Variants in SNTG2 observed in about 807,000 individuals in gnomAD.
The protein encoded by SNTG2 is syntrophin gamma 2.
A neutral mutation model predicts 70.9 loss-of-function variants in SNTG2; 74 were observed. The ratio of observed to expected loss-of-function variants is 1.04; its 90% CI spans 0.86 to 1.27. The LOEUF (loss-of-function observed/expected upper bound fraction) is 1.27, where lower values mean the gene tolerates loss of function less well. SNTG2 is among the 50% of genes most tolerant of loss of function. The pLI, the probability that SNTG2 is intolerant of heterozygous loss-of-function variation, is 0.00. For synonymous variants in SNTG2, 278 were observed against 273.8 expected (o/e 1.02, Z -0.15); for missense variants, 717 against 690.7 (o/e 1.04, Z -0.43).
At chr2:1,079,156 GCGTC>G (rs1664117616) in intron 1 of SNTG2, among the ~76,000 whole-genome samples, 1 of 152,184 alleles carries the variant, frequency 6.6e-6, no homozygotes, top group Non-Finnish European at 1.5e-5. Flanking sequence ...AGCGGAACCC[GCGTC>G]CCCTCTCCTT....
intron 9 of SNTG2, among the ~76,000 whole-genome samples, chr2:1,231,825 C>A (rs1370896020): frequency 6.6e-6 from 1 of 152,122 alleles, no homozygotes; most frequent in Non-Finnish European, 1.5e-5. Context: ...ACTCACAAAG[C>A]AAACACTCAC....
At position 1,259,532 on chromosome 2, in the gene SNTG2, A is replaced by G. The variant is rs765006515; in HGVS notation, c.1077+91A>G. 3.4e-4 allele frequency: 355 copies of G among 1,034,672 alleles called. 1 individual carries two copies. Among genetic ancestry groups the G allele is most frequent in the Non-Finnish European group, 4.4e-4 (294 of 673,012 alleles). The allele number at this position is 1,034,672 out of a possible 1,614,324, so 64.1% of individuals were successfully genotyped here. The stretch of plus-strand genomic sequence containing the variant: ...GAGGATTGTTTGTTCTGCGTGGTCC[A>G]TTGAAATAGTAAAATTTGAAATAGT... On this transcript the variant is annotated intron_variant, in intron 13 of 16. Transcript: ENST00000308624.
chr2:1,125,556 A>G (rs572942627), intron 4 of SNTG2, among the ~76,000 whole-genome samples: 70 of 152,338 alleles, frequency 4.6e-4, no homozygotes, highest in African/African-American at 1.6e-3. Context: ...CCATACCTCC[A>G]AAACAGAATT....
In SNTG2 at chr2:1,047,102, T is replaced by C. The variant is rs4350783; in HGVS notation, c.73-36416T>C. 1.0e-3 allele frequency among the ~76,000 whole-genome samples: 159 copies of C among 152,334 alleles called. 1 individual carries two copies. Among genetic ancestry groups the C allele is most frequent in the South Asian group, 3.1e-3 (15 of 4,824 alleles). The stretch of plus-strand genomic sequence containing the variant: ...TGTGTTAATTCAAAGAACTGGTCTT[T>C]GAGCTCTGAGATTTGTTCCTCAGCT... On this transcript the variant is annotated intron_variant, in intron 1 of 16. Coordinates refer to ENST00000308624, the MANE Select transcript of SNTG2 (RefSeq NM_018968.4).
chr2:1,079,350 C>T (rs1664132780), intron 1 of SNTG2, among the ~76,000 whole-genome samples: 1 of 152,224 alleles, frequency 6.6e-6, no homozygotes, highest in South Asian at 2.1e-4. Flanking sequence ...CTCTGGAAAA[C>T]TAAGGCCAAT....
chr2:1,001,117 A>G lies in SNTG2; in HGVS notation c.72+50049A>G, dbSNP rs115628075. Among the ~76,000 whole-genome samples, 1,249 of 152,100 alleles carry G rather than the reference A, an allele frequency of 8.2e-3. 28 individuals are homozygous for G. Among genetic ancestry groups the G allele is most frequent in the African/African-American group, 0.028 (1,170 of 41,554 alleles). On this transcript the variant is annotated intron_variant, in intron 1 of 16. Transcript: ENST00000308624. ...CAAGCTAGGTATTGAAGGAACATAC[A>G]TAAAAATAATAAGAGCCATGTATGA...
chr2:1,299,715 G>C (rs147965130), intron 14 of SNTG2, among the ~76,000 whole-genome samples: 1 of 152,330 alleles, frequency 6.6e-6, no homozygotes, highest in Non-Finnish European at 1.5e-5. Context: ...CTGAGCTGTG[G>C]TGCCGGAAGC....
chr2:975,700 G>A lies in SNTG2; in HGVS notation c.72+24632G>A, dbSNP rs906870901. Among the ~76,000 whole-genome samples, 3 of 152,152 alleles carry A rather than the reference G, an allele frequency of 2.0e-5. 1 individual carries two copies. The highest frequency in any genetic ancestry group is 2.0e-4 in the Admixed American group (3 of 15,284). On this transcript the variant is annotated intron_variant, in intron 1 of 16. Transcript: ENST00000308624. Reference sequence around the variant, plus strand: ...AAAAATCTAAGCATAATTGAAGACTGGAATTAATTGTGTGTTCATCCTGAA... The same window carrying A: ...AAAAATCTAAGCATAATTGAAGACTAGAATTAATTGTGTGTTCATCCTGAA...
chr2:1,182,516 A>G (rs1671982871), intron 8 of SNTG2, among the ~76,000 whole-genome samples: 1 of 152,180 alleles, frequency 6.6e-6, no homozygotes. Context: ...CACAAAAGAA[A>G]AGGCAGCTAT....
chr2:1,280,708 C>T (rs183904967), intron 14 of SNTG2, among the ~76,000 whole-genome samples: 171 of 152,300 alleles, frequency 1.1e-3, no homozygotes, highest in Non-Finnish European at 1.7e-3. Context: ...AAGCAAATTA[C>T]GAATTACAAT....
At chr2:1,207,056 T>C (rs1395943978) in intron 8 of SNTG2, among the ~76,000 whole-genome samples, 1 of 152,218 alleles carries the variant, frequency 6.6e-6, no homozygotes, top group Non-Finnish European at 1.5e-5. Context: ...ACAGTTAAAA[T>C]TAAATGTATA....
intron 1 of SNTG2, among the ~76,000 whole-genome samples, chr2:984,056 C>T (rs1379875581): frequency 1.3e-5 from 2 of 152,156 alleles, no homozygotes; most frequent in Non-Finnish European, 2.9e-5. Context: ...GGCGGTGGCA[C>T]CAAGCTGCCC....
At chr2:1,283,674 G>A (rs1341029415) in intron 14 of SNTG2, among the ~76,000 whole-genome samples, 1 of 152,122 alleles carries the variant, frequency 6.6e-6, no homozygotes, top group African/African-American at 2.4e-5. Flanking sequence ...TGGCTTCTCT[G>A]TGTCTTCCAC....
intron 14 of SNTG2, among the ~76,000 whole-genome samples, chr2:1,291,213 C>T (rs1241118476): frequency 6.6e-6 from 1 of 152,118 alleles, no homozygotes; most frequent in Non-Finnish European, 1.5e-5. Flanking sequence ...TGCTTGTTTT[C>T]TTCTGGTTCA....
At chr2:1,156,569 T>A (rs928768957) in intron 6 of SNTG2, among the ~76,000 whole-genome samples, 1 of 152,056 alleles carries the variant, frequency 6.6e-6, no homozygotes, top group Non-Finnish European at 1.5e-5. Flanking sequence ...GCACTTAACG[T>A]TTTTCTCCAG....
At chr2:1,085,137 A>G (rs1385953913) in intron 2 of SNTG2, among the ~76,000 whole-genome samples, 1 of 152,104 alleles carries the variant, frequency 6.6e-6, no homozygotes, top group Non-Finnish European at 1.5e-5. Flanking sequence ...ATCACTAACC[A>G]TTATTTTTTT....
At chr2:1,116,659 T>C (rs1345517304) in intron 4 of SNTG2, among the ~76,000 whole-genome samples, 6 of 132,666 alleles carry the variant, frequency 4.5e-5, no homozygotes, top group African/African-American at 5.8e-5. Context: ...AGTGCCCTGG[T>C]GTGTGGGTGC....
intron 4 of SNTG2, among the ~76,000 whole-genome samples, chr2:1,133,821 TCACTGAAC>T (rs1360356777): frequency 6.6e-6 from 1 of 152,212 alleles, no homozygotes; most frequent in African/African-American, 2.4e-5. Flanking sequence ...CTCCTCCCTT[TCACTGAAC>T]CAAAATTGCT....
intron 4 of SNTG2, among the ~76,000 whole-genome samples, chr2:1,129,885 C>T (rs890155278): frequency 2.0e-5 from 3 of 152,140 alleles, no homozygotes; most frequent in South Asian, 2.1e-4. Flanking sequence ...TATAACATGT[C>T]ATCTTCATGG....
Sources: allele counts gnomAD v4.1 joint callset (sites outside exome capture counted in the v4.1 genomes callset), GRCh38; gene constraint gnomAD v4.1.1; transcripts MANE v1.5; gene names NCBI Gene and HGNC (gene_info 2026-07-23, HGNC 2026-07-21).